VNN2: variants seen among roughly 807,000 people sequenced by gnomAD.
VNN2 encodes vanin 2.
In VNN2, 43 loss-of-function variants were observed where a neutral mutation model predicts 43.0. The ratio of observed to expected loss-of-function variants is 1.00; its 90% CI spans 0.78 to 1.29. VNN2 has a LOEUF of 1.29. VNN2 is among the 50% of genes most tolerant of loss of function. The pLI is 0.00. For synonymous variants in VNN2, 230 were observed against 224.3 expected (o/e 1.03, Z -0.23); for missense variants, 652 against 619.7 (o/e 1.05, Z -0.55).
rs1446704871 is a variant in VNN2 at position 132,744,365 on chromosome 6, T to C, written c.1498A>G (p.Ile500Val). ...YSSCGTSNSA[I>V]TYLLIFILLM... ...AATATGAATATTAGCAGGTAAGTTA[T>C]TGCTGAATTGCTGGTCCCACATGAG... Residue 500 changes from isoleucine to valine, a missense_variant, in exon 7 of 7, where the codon ATA becomes GTA. Coordinates refer to ENST00000326499, the MANE Select transcript of VNN2 (RefSeq NM_004665.6). 1.2e-6 allele frequency: 2 copies of C among 1,612,878 alleles called. No individual in the cohort carries two copies. The highest frequency in any genetic ancestry group is 1.7e-6 in the Non-Finnish European group (2 of 1,179,720).
At chr6:132,744,538 G>C in intron 6 of VNN2, 47 bp from the exon 7 acceptor site, 1 of 1,509,064 alleles carries the variant, frequency 6.6e-7, no homozygotes, top group African/African-American at 1.4e-5. Context: ...TAACATAGAA[G>C]TTAAAAGCAA....
chr6:132,748,069 G>T (rs1779828548), intron 6 of VNN2, among the ~76,000 whole-genome samples: 1 of 152,176 alleles, frequency 6.6e-6, no homozygotes, highest in Admixed American at 6.5e-5. Flanking sequence ...TAGATTGTGT[G>T]CTCAGTTTAA....
rs768747414 is a variant in VNN2, at chr6:132,751,520, T to C, written c.827-2A>G. 2 of 1,594,926 alleles carry C rather than the reference T, an allele frequency of 1.3e-6. No individual in the cohort carries two copies. The highest frequency in any genetic ancestry group is 2.3e-5 in the South Asian group (2 of 88,404). ...CATTTGGTGCATAAATACCACTTCC[T>C]GTGAATGAAAGACAAGTCTTCTAAA... On this transcript the variant is annotated splice_acceptor_variant, in intron 4 of 6. Transcript: ENST00000326499. LOFTEE classifies it high-confidence loss of function.
chr6:132,762,014 A>G (rs899426110), upstream of VNN2, among the ~76,000 whole-genome samples: 1 of 152,236 alleles, frequency 6.6e-6, no homozygotes, highest in African/African-American at 2.4e-5. Context: ...ATATTATTTC[A>G]TTGTTAGGCC....
chr6:132,749,905 T>C (rs373036238), intron 5 of VNN2, 40 bp from the exon 6 acceptor site: 126 of 1,563,454 alleles, frequency 8.1e-5, no homozygotes, highest in Non-Finnish European at 1.1e-4. Context: ...ATGCCTTACA[T>C]TGAAGTTACT....
intron 4 of VNN2, 84 bp from the exon 5 acceptor site, chr6:132,751,602 T>A: frequency 1.3e-6 from 2 of 1,499,958 alleles, no homozygotes; most frequent in Non-Finnish European, 1.8e-6. Flanking sequence ...GAATTGGGCA[T>A]GTGATCACGC....
Position 132,752,479 on chromosome 6 carries a change from C to T in VNN2, c.808G>A (p.Val270Ile). ...VNLLVANTHH[V>I]SLNMTGSGIY... ...GAATTACCTGTCATATTTAGGCTGA[C>T]ATGATGTGTGTTGGCCACAAGAAGA... Residue 270 changes from valine to isoleucine, a missense_variant, in exon 4 of 7, where the codon GTC becomes ATC. Physicochemically the swap from Val to Ile is conservative, Grantham distance 29. Coordinates refer to ENST00000326499, the MANE Select transcript of VNN2 (RefSeq NM_004665.6). 1 of 1,613,720 alleles carries T rather than the reference C, an allele frequency of 6.2e-7. No homozygotes were observed. Among genetic ancestry groups the T allele is most frequent in the Non-Finnish European group, 8.5e-7 (1 of 1,179,836 alleles).
chr6:132,751,328 T>A lies in VNN2; in HGVS notation c.1017A>T (p.Gly339=). The A allele has an allele frequency of 6.2e-7, 1 of 1,614,100 alleles. No individual in the cohort carries two copies. Among genetic ancestry groups the A allele is most frequent in the Non-Finnish European group, 8.5e-7 (1 of 1,180,002 alleles). ...AGTTGAACCCATCCCTGGAAATAAA[T>A]CCCCTGAAAGTGTTTTTCTGTACTG... ...PFPVQKNTFR[G]FISRDGFNFT... Residue 339 remains glycine, a synonymous_variant, in exon 5 of 7, where the codon GGA becomes GGT. Coordinates refer to ENST00000326499, the MANE Select transcript of VNN2 (RefSeq NM_004665.6).
At chr6:132,758,049 T>TA (rs1376272245), upstream of VNN2, 1,439 of 492,984 alleles carry the variant, frequency 2.9e-3, 57 homozygotes, top group East Asian at 0.035. Context: ...CTTTTTTTTT[T>TA]TTTTTTTTTT....
At chr6:132,760,111 T>G (rs75416267), upstream of VNN2, among the ~76,000 whole-genome samples, 4,647 of 152,330 alleles carry the variant, frequency 0.031, 99 homozygotes, top group South Asian at 0.058. Context: ...CACATGTGTC[T>G]GTGCTCTCTT....
At chr6:132,754,278 G>A (rs1311789745) in intron 3 of VNN2, among the ~76,000 whole-genome samples, 1 of 152,154 alleles carries the variant, frequency 6.6e-6, no homozygotes, top group Non-Finnish European at 1.5e-5. Context: ...TTTACTATGA[G>A]ACACATTTTA....
At chr6:132,758,604 C>T (rs1175010056), upstream of VNN2, among the ~76,000 whole-genome samples, 1 of 152,090 alleles carries the variant, frequency 6.6e-6, no homozygotes, top group Non-Finnish European at 1.5e-5. Context: ...TAAAAATTGA[C>T]AACAATTTTT....
intron 6 of VNN2, among the ~76,000 whole-genome samples, chr6:132,748,534 T>C (rs1192248618): frequency 2.0e-5 from 3 of 152,256 alleles, no homozygotes; most frequent in African/African-American, 7.2e-5. Context: ...CTTGATTGAA[T>C]TAACTTGGAC....
chr6:132,744,309 T>C lies in VNN2; in HGVS notation c.1554A>G (p.Val518=), dbSNP rs748419204. 6.2e-7 allele frequency: 1 copy of C among 1,612,190 alleles called. No homozygotes were observed. Among genetic ancestry groups the C allele is most frequent in the East Asian group, 2.2e-5 (1 of 44,856 alleles). ...LLMIIALQNI[V]ML is the part of the protein sequence containing the mutation. ...GTGATAAAGAGACGCCCTATAACAT[T>C]ACAATATTTTGCAAAGCTATGATCA... The change falls in exon 7 of 7, where the codon GTA becomes GTG. Residue 518 remains valine (V), a synonymous_variant. Coordinates refer to ENST00000326499, the MANE Select transcript of VNN2 (RefSeq NM_004665.6).
At chr6:132,745,816 G>T (rs1779682284) in intron 6 of VNN2, among the ~76,000 whole-genome samples, 1 of 152,176 alleles carries the variant, frequency 6.6e-6, no homozygotes, top group African/African-American at 2.4e-5. Flanking sequence ...AAGGAAACAT[G>T]CATAGACAGT....
intron 5 of VNN2, among the ~76,000 whole-genome samples, chr6:132,750,341 A>T (rs1336909638): frequency 1.3e-5 from 2 of 151,964 alleles, no homozygotes; most frequent in South Asian, 2.1e-4. Context: ...AAAATTTGTC[A>T]TTTGAAAGCA....
At chr6:132,751,803 G>A (rs534461792) in intron 4 of VNN2, among the ~76,000 whole-genome samples, 1 of 152,184 alleles carries the variant, frequency 6.6e-6, no homozygotes, top group African/African-American at 2.4e-5. Flanking sequence ...TTGTAGTCAG[G>A]AGTTCCTGAA....
intron 6 of VNN2, among the ~76,000 whole-genome samples, chr6:132,745,133 G>A (rs564965697): frequency 2.6e-5 from 4 of 152,260 alleles, no homozygotes; most frequent in African/African-American, 7.2e-5. Context: ...GTGGTGTGCT[G>A]GAGCTAGTGG....
At chr6:132,755,771 A>G (rs1780425402) in intron 3 of VNN2, 72 bp downstream of exon 3, 1 of 1,437,042 alleles carries the variant, frequency 7.0e-7, no homozygotes, top group Admixed American at 2.3e-5. Flanking sequence ...AGGGAATGAA[A>G]TTCAAACTCC....
Sources: allele counts gnomAD v4.1 joint callset (sites outside exome capture counted in the v4.1 genomes callset), GRCh38; gene constraint gnomAD v4.1.1; transcripts MANE v1.5; gene names NCBI Gene and HGNC (gene_info 2026-07-23, HGNC 2026-07-21).